The following LPCAT2 variants were observed in gnomAD, a reference collection of about 807,000 sequenced individuals.
LPCAT2 encodes the protein lysophosphatidylcholine acyltransferase 2.
A neutral mutation model predicts 64.7 loss-of-function variants in LPCAT2; 58 were observed. The observed-to-expected ratio is 0.90, with a 90% CI of 0.73 to 1.12. The LOEUF (loss-of-function observed/expected upper bound fraction) is 1.12, where lower values mean the gene tolerates loss of function less well. Ranked by LOEUF, LPCAT2 falls within the 50% of genes most tolerant of loss-of-function variation. The pLI, the probability that LPCAT2 is intolerant of heterozygous loss-of-function variation, is 0.00. For synonymous variants in LPCAT2, 252 were observed against 245.3 expected, an observed-to-expected ratio of 1.03 and a Z score of -0.26; for missense variants, 579 against 669.8, an observed-to-expected ratio of 0.86 and a Z score of 1.50.
Position 55,584,676 on chromosome 16 carries a change from G to A in LPCAT2, c.*1578G>A, listed in dbSNP as rs1963925310. On this transcript the variant is annotated 3_prime_UTR_variant, in exon 14 of 14. Transcript: ENST00000262134. ...TTTTTTAAAGTCATTTTTGAAGTTG[G>A]GAAGTCTCATGAGAGATGTTGAAGT... 1 of 152,112 alleles carries A rather than the reference G, an allele frequency of 6.6e-6. No individual in the cohort carries two copies. The highest frequency in any genetic ancestry group is 2.1e-4 in the South Asian group (1 of 4,828). 9.4% of individuals were successfully genotyped at this position (152,112 alleles called of 1,614,324 possible).
At chr16:55,567,616 T>C in intron 11 of LPCAT2, 1 of 1,029,178 alleles carries the variant, frequency 9.7e-7, no homozygotes, top group Non-Finnish European at 1.4e-6. Flanking sequence ...GGCAAGCTCT[T>C]TCACAACCCT....
At chr16:55,523,811 G>A (rs1869202549) in intron 1 of LPCAT2, among the ~76,000 whole-genome samples, 1 of 151,832 alleles carries the variant, frequency 6.6e-6, no homozygotes, top group African/African-American at 2.4e-5. Flanking sequence ...TTTTTGAGAT[G>A]ATGTAAATAT....
intron 8 of LPCAT2, chr16:55,540,298 T>C (rs887878684): frequency 3.3e-5 from 5 of 152,204 alleles, no homozygotes; most frequent in Admixed American, 3.3e-4. Context: ...TGAAGTTGTC[T>C]GTCTACAGAA....
chr16:55,582,806 G>T, intron 13 of LPCAT2, 108 bp from the exon 14 acceptor site: 3 of 685,128 alleles, frequency 4.4e-6, no homozygotes, highest in South Asian at 2.1e-5. Context: ...TTGTGTGTTG[G>T]GTAGTAGAAT....
chr16:55,557,120 G>A (rs1963585774), intron 11 of LPCAT2: 2 of 152,198 alleles, frequency 1.3e-5, no homozygotes, highest in Non-Finnish European at 2.9e-5. Flanking sequence ...AACCGTAACT[G>A]TTCTTCAAAG....
At chr16:55,577,309 T>C (rs186296846) in intron 12 of LPCAT2, among the ~76,000 whole-genome samples, 2 of 134,562 alleles carry the variant, frequency 1.5e-5, no homozygotes, top group East Asian at 4.2e-4. Flanking sequence ...ATTATTTTTT[T>C]CATGGTTATC....
At chr16:55,559,886 C>A (rs1963617667) in intron 11 of LPCAT2, among the ~76,000 whole-genome samples, 1 of 151,738 alleles carries the variant, frequency 6.6e-6, no homozygotes, top group Non-Finnish European at 1.5e-5. Context: ...CTATTCAATT[C>A]TCAGGTTCAC....
intron 6 of LPCAT2, among the ~76,000 whole-genome samples, chr16:55,534,211 G>A (rs1388878108): frequency 6.6e-6 from 1 of 152,096 alleles, no homozygotes; most frequent in Non-Finnish European, 1.5e-5. Flanking sequence ...ATTAAAACAA[G>A]TCATTTCATC....
chr16:55,541,996 AGG>A, intron 8 of LPCAT2: 1 of 1,167,154 alleles, frequency 8.6e-7, no homozygotes, highest in African/African-American at 1.6e-5. Context: ...TTCTGTTACA[AGG>A]AAAAAATAAA....
intron 1 of LPCAT2, among the ~76,000 whole-genome samples, chr16:55,510,613 T>C (rs1035301041): frequency 3.3e-5 from 5 of 152,148 alleles, no homozygotes; most frequent in African/African-American, 1.2e-4. Flanking sequence ...AGGTGGTGGC[T>C]TGAGTAATGG....
At chr16:55,509,501 C>A in intron 1 of LPCAT2, 149 bp downstream of exon 1, 1 of 865,470 alleles carries the variant, frequency 1.2e-6, no homozygotes, top group South Asian at 3.5e-5. Flanking sequence ...GGGCGAGAGT[C>A]TGAGGAGGGA....
intron 9 of LPCAT2, 100 bp downstream of exon 9, chr16:55,545,917 C>T (rs1162006310): frequency 1.3e-6 from 1 of 767,372 alleles, no homozygotes; most frequent in East Asian, 2.6e-5. Flanking sequence ...CCCTGAAGGC[C>T]TCGTTCCCCA....
In LPCAT2 at chr16:55,537,561, T is replaced by G. The variant is rs1272746539; in HGVS notation, c.798-17T>G. The G allele has an allele frequency of 1.0e-5, 16 of 1,604,784 alleles. No homozygotes were observed. The highest frequency in any genetic ancestry group is 1.7e-4 in the Middle Eastern group (1 of 6,016). Reference sequence around the variant, plus strand: ...TGCATGACTGTATAAAGATAGACTTTTCTTTTTTCTCTTCAGCATTCAGCT... The same window carrying G: ...TGCATGACTGTATAAAGATAGACTTGTCTTTTTTCTCTTCAGCATTCAGCT... On this transcript the variant is annotated splice_polypyrimidine_tract_variant and intron_variant, in intron 7 of 13. Transcript: ENST00000262134.
At chr16:55,564,860 A>G (rs955006106) in intron 11 of LPCAT2, among the ~76,000 whole-genome samples, 7 of 151,992 alleles carry the variant, frequency 4.6e-5, no homozygotes, top group Non-Finnish European at 7.4e-5. Flanking sequence ...TACAAATTTT[A>G]AACTTTTGTG....
rs1467123848 is a variant in LPCAT2 at position 55,584,542 on chromosome 16, A to G, written c.*1444A>G. 1 of 152,194 alleles carries G rather than the reference A, an allele frequency of 6.6e-6. No homozygotes were observed. Among genetic ancestry groups the G allele is most frequent in the African/African-American group, 2.4e-5 (1 of 41,458 alleles). The allele number at this position is 152,194 out of a possible 1,614,324, so 9.4% of individuals were successfully genotyped here. ...GTTTTCAACAAAGAACCAATTTATT[A>G]ATATAATGTACAAAAATAGTTGGTT... On this transcript the variant is annotated 3_prime_UTR_variant, in exon 14 of 14. Coordinates refer to ENST00000262134, the MANE Select transcript of LPCAT2 (RefSeq NM_017839.5).
rs985872869 is a variant in LPCAT2, at chr16:55,583,321, A to T, written c.*223A>T. 11 of 416,596 alleles carry T rather than the reference A, an allele frequency of 2.6e-5. No individual in the cohort carries two copies. The East Asian group carries it at 3.1e-4, about 12-fold the overall frequency. The allele number at this position is 416,596 out of a possible 1,614,324, so 25.8% of individuals were successfully genotyped here. On this transcript the variant is annotated 3_prime_UTR_variant, in exon 14 of 14. Coordinates refer to ENST00000262134, the MANE Select transcript of LPCAT2 (RefSeq NM_017839.5). ...TTTTGTGTTATATTGTACTTTACTG[A>T]TTCATTTACTGGTGATACATATGTT...
chr16:55,567,346 A>G lies in LPCAT2; in HGVS notation c.1216-7285A>G, dbSNP rs376337180. On this transcript the variant is annotated intron_variant, in intron 11 of 13. Transcript: ENST00000262134. Reference sequence around the variant, plus strand: ...CTTTACCAAATGATTGTCCGCCGGTATGCTAATGAAGATGGAGATATGGAT... The same window carrying G: ...CTTTACCAAATGATTGTCCGCCGGTGTGCTAATGAAGATGGAGATATGGAT... The G allele has an allele frequency of 6.2e-5, 100 of 1,613,586 alleles. No homozygotes were observed. Among genetic ancestry groups the G allele is most frequent in the Non-Finnish European group, 7.6e-5 (90 of 1,179,840 alleles).
rs182600941 is a variant in LPCAT2, at chr16:55,534,204, A to G, written c.763-239A>G. On this transcript the variant is annotated intron_variant, in intron 6 of 13. Transcript: ENST00000262134. Reference sequence around the variant, plus strand: ...CATGTAAAATAGTTTTTAAAAAATTAAAACAAGTCATTTCATCAAAAGTTG... The same window carrying G: ...CATGTAAAATAGTTTTTAAAAAATTGAAACAAGTCATTTCATCAAAAGTTG... Among the ~76,000 whole-genome samples the G allele has an allele frequency of 4.9e-3, 752 of 152,306 alleles. 5 individuals are homozygous for G. The highest frequency in any genetic ancestry group is 7.0e-3 in the Non-Finnish European group (479 of 67,998).
chr16:55,521,814 G>C (rs546001158), intron 1 of LPCAT2, among the ~76,000 whole-genome samples: 1 of 151,522 alleles, frequency 6.6e-6, no homozygotes, highest in Non-Finnish European at 1.5e-5. Context: ...GATAAAAAAA[G>C]TTTCTTAGTA....
Sources: allele counts gnomAD v4.1 joint callset (sites outside exome capture counted in the v4.1 genomes callset), GRCh38; gene constraint gnomAD v4.1.1; transcripts MANE v1.5; gene names NCBI Gene and HGNC (gene_info 2026-07-23, HGNC 2026-07-21).